SCN8A: variants seen among roughly 807,000 people sequenced by gnomAD.
SCN8A encodes sodium voltage-gated channel alpha subunit 8, also known as sodium channel protein type 8 subunit alpha.
SCN8A carries 30 observed loss-of-function variants against 184.1 expected under a neutral mutation model. The ratio of observed to expected loss-of-function variants is 0.16; its 90% CI spans 0.12 to 0.22. SCN8A has a LOEUF of 0.22. Among genes scored for constraint, SCN8A ranks in the 10% least tolerant of loss-of-function variants. The probability of loss-of-function intolerance (pLI) is 1.00; values close to 1 mark genes in which losing one functional copy is unlikely to be tolerated. For missense variants in SCN8A, 1,057 were observed against 2,498.9 expected (o/e 0.42, Z 12.30); for synonymous variants, 852 against 907.0 (o/e 0.94, Z 1.09).
chr12:51,771,041 T>C (rs950352238), intron 19 of SCN8A, among the ~76,000 whole-genome samples: 2 of 152,234 alleles, frequency 1.3e-5, no homozygotes, highest in Non-Finnish European at 2.9e-5. Flanking sequence ...CTCCACTTAC[T>C]GTCCCTTCAC....
At chr12:51,732,685 A>G (rs1942262296) in intron 12 of SCN8A, among the ~76,000 whole-genome samples, 1 of 152,060 alleles carries the variant, frequency 6.6e-6, no homozygotes, top group Non-Finnish European at 1.5e-5. Flanking sequence ...ACAATATTGA[A>G]CAATCCACGA....
chr12:51,689,996 C>G (rs894026794), intron 6 of SCN8A: 1 of 152,138 alleles, frequency 6.6e-6, no homozygotes, highest in Non-Finnish European at 1.5e-5. Flanking sequence ...CAGACCCCCC[C>G]CGAAGCCCAT....
intron 22 of SCN8A, among the ~76,000 whole-genome samples, chr12:51,788,191 A>G (rs1466503367): frequency 2.0e-5 from 3 of 151,848 alleles, no homozygotes; most frequent in Non-Finnish European, 4.4e-5. Context: ...TTGCTACTAC[A>G]TAGGCTATAC....
intron 14 of SCN8A, among the ~76,000 whole-genome samples, chr12:51,752,778 A>G (rs1565911395): frequency 6.6e-6 from 1 of 152,222 alleles, no homozygotes; most frequent in Non-Finnish European, 1.5e-5. Flanking sequence ...CTGACACAGT[A>G]CCTTGGCCAT....
intron 12 of SCN8A, among the ~76,000 whole-genome samples, chr12:51,738,826 G>T (rs1942369996): frequency 6.6e-6 from 1 of 152,168 alleles, no homozygotes. Flanking sequence ...GACTCCTGTT[G>T]GGACCTTTTG....
At chr12:51,610,169 C>CAAA (rs398019572) in intron 1 of SCN8A, among the ~76,000 whole-genome samples, 45 of 55,552 alleles carry the variant, frequency 8.1e-4, no homozygotes, top group Middle Eastern at 9.3e-3. Context: ...AACTCTGTCT[C>CAAA]AAAAAAAAAA....
chr12:51,597,548 C>T (rs11169883), intron 1 of SCN8A, among the ~76,000 whole-genome samples: 41,402 of 152,018 alleles, frequency 0.27, 7,059 homozygotes, highest in Non-Finnish European at 0.39. Flanking sequence ...TTTCTACCAG[C>T]GTGAACTTGG....
intron 12 of SCN8A, among the ~76,000 whole-genome samples, chr12:51,741,585 CTG>C (rs1942424409): frequency 6.6e-6 from 1 of 151,992 alleles, no homozygotes; most frequent in South Asian, 2.1e-4. Flanking sequence ...GTTATTTTCT[CTG>C]GTGGTATGAC....
intron 1 of SCN8A, among the ~76,000 whole-genome samples, chr12:51,632,208 T>C (rs1235220849): frequency 6.6e-6 from 1 of 152,240 alleles, no homozygotes; most frequent in African/African-American, 2.4e-5. Flanking sequence ...TTTGTTCTTT[T>C]TCAAACCTTT....
At chr12:51,654,654 T>G (rs1019576983) in intron 1 of SCN8A, among the ~76,000 whole-genome samples, 2 of 152,188 alleles carry the variant, frequency 1.3e-5, no homozygotes, top group East Asian at 3.9e-4. Context: ...TTTTCAAGTA[T>G]GAGACAAGAT....
At chr12:51,676,940 G>A (rs1174425230) in intron 2 of SCN8A, among the ~76,000 whole-genome samples, 3 of 152,026 alleles carry the variant, frequency 2.0e-5, no homozygotes, top group Non-Finnish European at 4.4e-5. Context: ...AGCAAACCAG[G>A]GAATGGATAA....
At position 51,591,269 on chromosome 12, in the gene SCN8A, C is replaced by T. The variant is rs1939206909; in HGVS notation, c.-145C>T. On this transcript the variant is annotated 5_prime_UTR_variant, in exon 1 of 27. Transcript: ENST00000627620. ...CAAGATGGCGCCCACCGCAGTCCCG[C>T]CCGCCGCATCCTCGGCGCCTTTGCA... 1.3e-5 allele frequency: 2 copies of T among 152,864 alleles called. No homozygotes were observed. The highest frequency in any genetic ancestry group is 2.0e-4 in the East Asian group (1 of 5,124). The allele number at this position is 152,864 out of a possible 1,614,324, so 9.5% of individuals were successfully genotyped here. A position where few individuals can be genotyped will look rare whatever the true frequency, so the allele number is the denominator to read the frequency against.
chr12:51,646,850 G>A (rs963058079), intron 1 of SCN8A, among the ~76,000 whole-genome samples: 7 of 152,186 alleles, frequency 4.6e-5, no homozygotes, highest in African/African-American at 1.7e-4. Context: ...TGTAGTGTCT[G>A]CAGGGCCAGG....
chr12:51,606,824 A>AGTATT (rs1181199406), intron 1 of SCN8A, among the ~76,000 whole-genome samples: 1 of 141,672 alleles, frequency 7.1e-6, no homozygotes, highest in Non-Finnish European at 1.6e-5. Context: ...TATATTCCTA[A>AGTATT]GTATTTTATT....
chr12:51,646,965 GGA>G (rs1940604662), intron 1 of SCN8A, among the ~76,000 whole-genome samples: 1 of 152,156 alleles, frequency 6.6e-6, no homozygotes, highest in Non-Finnish European at 1.5e-5. Context: ...AGAAGCTTTG[GGA>G]TACATTTATA....
chr12:51,600,939 C>G (rs1340058529), intron 1 of SCN8A, among the ~76,000 whole-genome samples: 1 of 152,198 alleles, frequency 6.6e-6, no homozygotes, highest in Admixed American at 6.5e-5. Context: ...TGCTGTGGAA[C>G]CAGTAGAGCA....
At chr12:51,663,131 T>G in intron 2 of SCN8A, 38 bp downstream of exon 2, 1 of 1,607,124 alleles carries the variant, frequency 6.2e-7, no homozygotes, top group Non-Finnish European at 8.5e-7. Flanking sequence ...AGATACCTGT[T>G]TCCTAACAGG....
In SCN8A at chr12:51,640,212, GTTTTTTTT is replaced by G. The variant is rs57362371; in HGVS notation, c.-54-22518_-54-22511del. On this transcript the variant is annotated intron_variant, in intron 1 of 26. Coordinates refer to ENST00000627620, the MANE Select transcript of SCN8A (RefSeq NM_001330260.2). The stretch of plus-strand genomic sequence containing the variant: ...GGATATGAGCACATGTGCCTGGCCT[GTTTTTTTT>G]TTTTTTTTTTTTTTTTTTTTTTTTT... 8.3e-3 allele frequency among the ~76,000 whole-genome samples: 287 copies of G among 34,712 alleles called. 1 individual carries two copies. Among genetic ancestry groups the G allele is most frequent in the Non-Finnish European group, 0.01 (206 of 19,978 alleles). 22.8% of individuals were successfully genotyped at this position (34,712 alleles called of 152,430 possible). A position where few individuals can be genotyped will look rare whatever the true frequency, so the allele number is the denominator to read the frequency against.
chr12:51,760,815 G>A (rs571080021), intron 14 of SCN8A, among the ~76,000 whole-genome samples: 42 of 152,024 alleles, frequency 2.8e-4, no homozygotes, highest in Non-Finnish European at 5.0e-4. Flanking sequence ...AGAAACATGA[G>A]GAACTACAGA....
Sources: allele counts gnomAD v4.1 joint callset (sites outside exome capture counted in the v4.1 genomes callset), GRCh38; gene constraint gnomAD v4.1.1; transcripts MANE v1.5; gene names NCBI Gene and HGNC (gene_info 2026-07-23, HGNC 2026-07-21).